KALRN: variants seen among roughly 807,000 people sequenced by gnomAD.
KALRN encodes the protein kalirin RhoGEF kinase.
In KALRN, 70 loss-of-function variants were observed where a neutral mutation model predicts 353.7. The observed-to-expected ratio is 0.20, with a 90% CI of 0.16 to 0.24. KALRN has a LOEUF of 0.24. Among genes scored for constraint, KALRN ranks in the 10% least tolerant of loss-of-function variants. The probability of loss-of-function intolerance (pLI) is 1.00; values close to 1 mark genes in which losing one functional copy is unlikely to be tolerated. For synonymous variants in KALRN, 1,391 were observed against 1,434.8 expected, an observed-to-expected ratio of 0.97 and a Z score of 0.69; for missense variants, 2,791 against 3,756.7, an observed-to-expected ratio of 0.74 and a Z score of 6.72.
At chr3:124,492,981 G>A (rs1415594882) in intron 32 of KALRN, 99 bp downstream of exon 32, 3 of 1,399,748 alleles carry the variant, frequency 2.1e-6, no homozygotes, top group Admixed American at 4.0e-5. Context: ...TGCCCAGCAG[G>A]TGGCACTCTC....
intron 34 of KALRN, among the ~76,000 whole-genome samples, chr3:124,598,496 C>T (rs1412520215): frequency 6.6e-6 from 1 of 152,160 alleles, no homozygotes; most frequent in African/African-American, 2.4e-5. Flanking sequence ...GGCCTCCTGA[C>T]TCCTGGTCCC....
In KALRN at chr3:124,725,352, A is replaced by G. The variant is rs1343731521; in HGVS notation, c.*5882A>G. On this transcript the variant is annotated 3_prime_UTR_variant, in exon 60 of 60. Transcript: ENST00000682506. ...CTACTCTATGGGGAAGGTGAGTAAA[A>G]CTAGTAGTTAGAACAAATATGAAGA... is the stretch of plus-strand genomic sequence containing the variant. The G allele has an allele frequency of 5.3e-5, 8 of 152,188 alleles. No individual in the cohort carries two copies. Among genetic ancestry groups the G allele is most frequent in the Admixed American group, 5.2e-4 (8 of 15,272 alleles). 9.4% of individuals were successfully genotyped at this position (152,188 alleles called of 1,614,324 possible).
chr3:124,453,465 G>A (rs2058997218), intron 21 of KALRN, among the ~76,000 whole-genome samples: 1 of 152,120 alleles, frequency 6.6e-6, no homozygotes, highest in Non-Finnish European at 1.5e-5. Flanking sequence ...TTCTTGGGAG[G>A]GTTGATCTCT....
intron 33 of KALRN, among the ~76,000 whole-genome samples, chr3:124,529,918 T>C (rs1171706932): frequency 6.6e-6 from 1 of 152,130 alleles, no homozygotes; most frequent in Non-Finnish European, 1.5e-5. Context: ...TGTCCCTCAT[T>C]TGGTTTGCTT....
intron 34 of KALRN, among the ~76,000 whole-genome samples, chr3:124,611,049 G>A (rs985185619): frequency 1.3e-5 from 2 of 152,006 alleles, no homozygotes; most frequent in African/African-American, 4.8e-5. Flanking sequence ...AATACAGTTG[G>A]CTAGATGGCA....
Position 124,543,050 on chromosome 3 carries a change from G to A in KALRN, c.4936-19793G>A, listed in dbSNP as rs773733759. ...AGGCGGCCTCAGTTTCTCACCTTGCGGACCTCTCTCTAGGGCTGCTTAAAT... is the reference window on the plus strand; with the variant it reads ...AGGCGGCCTCAGTTTCTCACCTTGCAGACCTCTCTCTAGGGCTGCTTAAAT... On this transcript the variant is annotated intron_variant, in intron 33 of 59. Transcript: ENST00000682506. Among the ~76,000 whole-genome samples the A allele has an allele frequency of 5.3e-5, 8 of 152,208 alleles. 1 individual carries two copies. Among genetic ancestry groups the A allele is most frequent in the Middle Eastern group, 6.8e-3 (2 of 294 alleles).
intron 13 of KALRN, among the ~76,000 whole-genome samples, chr3:124,401,119 A>G (rs1002378094): frequency 5.9e-5 from 9 of 152,232 alleles, no homozygotes; most frequent in African/African-American, 1.9e-4. Flanking sequence ...AATCCAAAGC[A>G]TATGGAGAAA....
At chr3:124,507,121 G>A (rs1228663915) in intron 33 of KALRN, among the ~76,000 whole-genome samples, 1 of 152,092 alleles carries the variant, frequency 6.6e-6, no homozygotes, top group Non-Finnish European at 1.5e-5. Flanking sequence ...GGATTTGAAG[G>A]TATATGGAGT....
At chr3:124,338,078 G>A (rs57907900) in intron 9 of KALRN, among the ~76,000 whole-genome samples, 10,301 of 151,496 alleles carry the variant, frequency 0.068, 1,144 homozygotes, top group African/African-American at 0.23. Context: ...TAATCTTTTC[G>A]AAAATCAGCT....
At chr3:124,102,480 G>T (rs2061956343) in intron 1 of KALRN, among the ~76,000 whole-genome samples, 1 of 152,146 alleles carries the variant, frequency 6.6e-6, no homozygotes, top group Non-Finnish European at 1.5e-5. Context: ...TGGTCACTAG[G>T]TGCATGGCTA....
intron 1 of KALRN, among the ~76,000 whole-genome samples, chr3:124,057,571 A>G (rs2041658814): frequency 1.3e-5 from 2 of 152,072 alleles, no homozygotes; most frequent in South Asian, 4.1e-4. Flanking sequence ...AGCAGTCCTT[A>G]TTGATTGAGG....
At chr3:124,673,981 A>G (rs1042629280) in intron 48 of KALRN, among the ~76,000 whole-genome samples, 1 of 152,138 alleles carries the variant, frequency 6.6e-6, no homozygotes, top group Admixed American at 6.5e-5. Context: ...GTGACCCCTG[A>G]CATGACACTT....
At chr3:124,053,102 T>C (rs1416505790) in intron 1 of KALRN, among the ~76,000 whole-genome samples, 1 of 152,194 alleles carries the variant, frequency 6.6e-6, no homozygotes, top group Non-Finnish European at 1.5e-5. Flanking sequence ...AGCGGCACAA[T>C]AGTTGCTCAC....
At chr3:124,225,807 C>T (rs2078422813) in intron 1 of KALRN, among the ~76,000 whole-genome samples, 1 of 151,906 alleles carries the variant, frequency 6.6e-6, no homozygotes, top group African/African-American at 2.4e-5. Context: ...TACTGCAACA[C>T]AGTAGAGGAC....
chr3:124,195,856 A>C (rs1209984492), intron 1 of KALRN, among the ~76,000 whole-genome samples: 1 of 152,094 alleles, frequency 6.6e-6, no homozygotes, highest in Non-Finnish European at 1.5e-5. Flanking sequence ...ACTCACCTGC[A>C]CTCTAGTGCA....
At chr3:124,468,620 C>T (rs954395360) in intron 25 of KALRN, among the ~76,000 whole-genome samples, 3 of 152,090 alleles carry the variant, frequency 2.0e-5, no homozygotes, top group Non-Finnish European at 4.4e-5. Flanking sequence ...TATAAAAGCC[C>T]GAAAGAAATC....
chr3:124,366,174 T>C (rs1413766022), intron 10 of KALRN, among the ~76,000 whole-genome samples: 3 of 152,320 alleles, frequency 2.0e-5, no homozygotes, highest in East Asian at 1.9e-4. Context: ...TTATATGTTT[T>C]GTGATTGTAT....
In KALRN at chr3:124,490,774, C is replaced by T. The variant is rs781157532; in HGVS notation, c.4477C>T (p.Arg1493Trp). 11 of 1,613,780 alleles carry T rather than the reference C, an allele frequency of 6.8e-6. No homozygotes were observed. Among genetic ancestry groups the T allele is most frequent in the South Asian group, 2.2e-5 (2 of 91,070 alleles). Reference protein sequence around the residue: ...FQVWDPKSLIRKGRERHLFLF... With the variant: ...FQVWDPKSLIWKGRERHLFLF... The stretch of plus-strand genomic sequence containing the variant: ...AGTGTGGGACCCGAAGTCGCTGATC[C>T]GGAAGGGGCGGGAGCGGCACTTGTT... The change falls in exon 30 of 60, where the codon CGG (arginine) becomes TGG (tryptophan). Residue 1493 changes from arginine (R) to tryptophan (W), a missense_variant. By Grantham distance (101) the Arg-to-Trp change is moderately radical. Transcript: ENST00000682506.
chr3:124,500,432 T>A (rs546770854), intron 33 of KALRN, among the ~76,000 whole-genome samples: 5 of 152,244 alleles, frequency 3.3e-5, no homozygotes, highest in Admixed American at 3.3e-4. Context: ...TCACATAGGG[T>A]CTGTAACTTG....
Sources: allele counts gnomAD v4.1 joint callset (sites outside exome capture counted in the v4.1 genomes callset), GRCh38; gene constraint gnomAD v4.1.1; transcripts MANE v1.5; gene names NCBI Gene and HGNC (gene_info 2026-07-23, HGNC 2026-07-21).